STK35: variants seen among roughly 807,000 people sequenced by gnomAD.
STK35 encodes the protein serine/threonine-protein kinase 35.
A neutral mutation model predicts 37.3 loss-of-function variants in STK35; 17 were observed. That is an observed-to-expected ratio of 0.46 (90% CI 0.31 to 0.68). The LOEUF (loss-of-function observed/expected upper bound fraction) is 0.68, where lower values mean the gene tolerates loss of function less well. Among genes scored for constraint, STK35 ranks in the 30% least tolerant of loss-of-function variants. STK35 has a pLI of 0.05. For missense variants in STK35, 595 were observed against 746.7 expected (o/e 0.80, Z 2.37); for synonymous variants, 385 against 319.1 (o/e 1.21, Z -2.20).
chr20:2,139,291 C>G (rs1475470670), intron 3 of STK35, among the ~76,000 whole-genome samples: 1 of 152,218 alleles, frequency 6.6e-6, no homozygotes, highest in African/African-American at 2.4e-5. Flanking sequence ...AGACCAGACA[C>G]CTGCCTGACT....
At chr20:2,104,521 A>C (rs1985477039) in intron 2 of STK35, among the ~76,000 whole-genome samples, 1 of 152,178 alleles carries the variant, frequency 6.6e-6, no homozygotes. Context: ...CGGGGATCCC[A>C]GATCTGTCTT....
intron 2 of STK35, among the ~76,000 whole-genome samples, chr20:2,112,255 C>T (rs968189244): frequency 1.3e-5 from 2 of 152,176 alleles, no homozygotes; most frequent in Admixed American, 6.5e-5. Flanking sequence ...GCTGGCCTCA[C>T]GTTTTTCAGC....
intron 3 of STK35, among the ~76,000 whole-genome samples, chr20:2,139,622 G>A (rs989367804): frequency 3.9e-5 from 6 of 152,136 alleles, no homozygotes; most frequent in Non-Finnish European, 7.3e-5. Flanking sequence ...TCATCTCTAA[G>A]ACGAGGGGGA....
At chr20:2,124,990 A>G (rs1039578037) in intron 3 of STK35, among the ~76,000 whole-genome samples, 1 of 152,222 alleles carries the variant, frequency 6.6e-6, no homozygotes, top group Non-Finnish European at 1.5e-5. Flanking sequence ...CCCAGGGATC[A>G]TCTGTCCCTT....
chr20:2,135,446 C>G (rs560018876), intron 3 of STK35, among the ~76,000 whole-genome samples: 1 of 152,326 alleles, frequency 6.6e-6, no homozygotes, highest in African/African-American at 2.4e-5. Flanking sequence ...CTCCAGCAGT[C>G]CAACATATCT....
At chr20:2,127,061 C>A (rs1985918671) in intron 3 of STK35, among the ~76,000 whole-genome samples, 1 of 151,810 alleles carries the variant, frequency 6.6e-6, no homozygotes, top group East Asian at 1.9e-4. Context: ...ATTTTTTTTT[C>A]CCCTGAACTC....
At position 2,102,080 on chromosome 20, in the gene STK35, C is replaced by T. The variant is rs896147663; in HGVS notation, c.199C>T (p.Arg67Trp). The change falls in exon 1 of 4, where the codon CGG becomes TGG. Residue 67 changes from arginine to tryptophan, a missense_variant. Physicochemically the swap from Arg to Trp is moderately radical, Grantham distance 101. Coordinates refer to ENST00000381482, the MANE Select transcript of STK35 (RefSeq NM_080836.4). ...RARAATSRAA[R>W]SRRQPGPGAD... ...TCGGGCCGCCACCTCCCGCGCTGCT[C>T]GGTCCCGGAGGCAGCCCGGGCCCGG... is the stretch of plus-strand genomic sequence containing the variant. 4.0e-6 allele frequency: 6 copies of T among 1,516,134 alleles called. No individual in the cohort carries two copies. Among genetic ancestry groups the T allele is most frequent in the South Asian group, 2.4e-5 (2 of 82,634 alleles). The allele number at this position is 1,516,134 out of a possible 1,614,324, so 93.9% of individuals were successfully genotyped here. A position where few individuals can be genotyped will look rare whatever the true frequency, so the allele number is the denominator to read the frequency against.
chr20:2,143,863 G>T lies in STK35; in HGVS notation c.*117G>T. 1 of 444,598 alleles carries T rather than the reference G, an allele frequency of 2.2e-6. No individual in the cohort carries two copies. Among genetic ancestry groups the T allele is most frequent in the Non-Finnish European group, 4.5e-6 (1 of 223,692 alleles). 27.5% of individuals were successfully genotyped at this position (444,598 alleles called of 1,614,324 possible). On this transcript the variant is annotated 3_prime_UTR_variant, in exon 4 of 4. Coordinates refer to ENST00000381482, the MANE Select transcript of STK35 (RefSeq NM_080836.4). ...GGTACAGGTGGTGGCCTGGCCGGTT[G>T]GCGATCTCCCGACAGCTGGATCCGG...
At chr20:2,107,728 G>T (rs1016807655) in intron 2 of STK35, among the ~76,000 whole-genome samples, 1 of 152,110 alleles carries the variant, frequency 6.6e-6, no homozygotes, top group East Asian at 1.9e-4. Context: ...CGAGTGCCTA[G>T]GGAACCTTCA....
At chr20:2,104,435 T>C (rs1985474975) in intron 2 of STK35, among the ~76,000 whole-genome samples, 1 of 152,216 alleles carries the variant, frequency 6.6e-6, no homozygotes, top group African/African-American at 2.4e-5. Context: ...ACAAATAACT[T>C]GATCAGGGTT....
chr20:2,130,873 T>G (rs1188556255), intron 3 of STK35, among the ~76,000 whole-genome samples: 2 of 145,592 alleles, frequency 1.4e-5, no homozygotes, highest in Non-Finnish European at 2.9e-5. Flanking sequence ...GGCCATCCCG[T>G]CACACCGTGG....
At chr20:2,116,446 C>T (rs1019311195) in intron 2 of STK35, among the ~76,000 whole-genome samples, 1 of 152,102 alleles carries the variant, frequency 6.6e-6, no homozygotes, top group Non-Finnish European at 1.5e-5. Context: ...GGCAGTAAAC[C>T]CGAGTTTCCA....
At chr20:2,141,339 G>A (rs919866053) in intron 3 of STK35, among the ~76,000 whole-genome samples, 2 of 152,204 alleles carry the variant, frequency 1.3e-5, no homozygotes, top group Admixed American at 6.5e-5. Context: ...AGAAGCAGCA[G>A]AGTGAAAGAC....
At chr20:2,134,416 C>T (rs1219028325) in intron 3 of STK35, among the ~76,000 whole-genome samples, 1 of 152,126 alleles carries the variant, frequency 6.6e-6, no homozygotes, top group Non-Finnish European at 1.5e-5. Flanking sequence ...TTCCCTCAGC[C>T]CCAGCCACAC....
chr20:2,138,951 A>G (rs1986130710), intron 3 of STK35, among the ~76,000 whole-genome samples: 1 of 152,214 alleles, frequency 6.6e-6, no homozygotes, highest in Non-Finnish European at 1.5e-5. Context: ...TGTTGAGCCC[A>G]GGAATTTAAT....
At chr20:2,140,965 C>G (rs1387395885) in intron 3 of STK35, among the ~76,000 whole-genome samples, 1 of 152,186 alleles carries the variant, frequency 6.6e-6, no homozygotes, top group African/African-American at 2.4e-5. Context: ...GATGGGCATC[C>G]TTTTCAGGAG....
chr20:2,139,640 C>T (rs1160127164), intron 3 of STK35, among the ~76,000 whole-genome samples: 1 of 152,102 alleles, frequency 6.6e-6, no homozygotes, highest in Non-Finnish European at 1.5e-5. Context: ...GGACGATAAC[C>T]CCTACCTCTT....
intron 3 of STK35, among the ~76,000 whole-genome samples, chr20:2,123,209 C>T (rs945085829): frequency 6.6e-6 from 1 of 152,136 alleles, no homozygotes; most frequent in African/African-American, 2.4e-5. Context: ...CAGCTAAGGC[C>T]TGCTGAAGGA....
chr20:2,103,607 C>G (rs911089148), intron 2 of STK35, among the ~76,000 whole-genome samples: 1 of 152,214 alleles, frequency 6.6e-6, no homozygotes, highest in Admixed American at 6.5e-5. Flanking sequence ...AAGTGCTAAC[C>G]ATTAACTTAA....
Sources: allele counts gnomAD v4.1 joint callset (sites outside exome capture counted in the v4.1 genomes callset), GRCh38; gene constraint gnomAD v4.1.1; transcripts MANE v1.5; gene names NCBI Gene and HGNC (gene_info 2026-07-23, HGNC 2026-07-21).